MPP7: variants seen among roughly 807,000 people sequenced by gnomAD.
The protein encoded by MPP7 is MAGUK p55 scaffold protein 7.
A neutral mutation model predicts 76.5 loss-of-function variants in MPP7; 60 were observed. The ratio of observed to expected loss-of-function variants is 0.78; its 90% confidence interval spans 0.64 to 0.97. MPP7 has a LOEUF of 0.97. Ranked by LOEUF, MPP7 falls within the 50% of genes least tolerant of loss-of-function variation. MPP7 has a pLI of 0.00. For synonymous variants in MPP7, 237 were observed against 244.5 expected (o/e 0.97, Z 0.29); for missense variants, 641 against 694.0 (o/e 0.92, Z 0.86).
chr10:28,079,436 T>C (rs7894339), intron 12 of MPP7, among the ~76,000 whole-genome samples: 52,154 of 151,654 alleles, frequency 0.34, 12,326 homozygotes, highest in East Asian at 0.95. Context: ...GAAGATCACC[T>C]GAGACCAGGA....
At position 28,263,880 on chromosome 10, in the gene MPP7, T is replaced by G. The variant is rs891373505; in HGVS notation, c.-131-25145A>C. Reference sequence around the variant, plus strand: ...AGATGGAAGATAGCAATGGGAAGTCTGGCAGCTTGGGAGTCAGGTAGGGAA... The same window carrying G: ...AGATGGAAGATAGCAATGGGAAGTCGGGCAGCTTGGGAGTCAGGTAGGGAA... On this transcript the variant is annotated intron_variant, in intron 1 of 16. Coordinates refer to ENST00000683449, the MANE Select transcript of MPP7 (RefSeq NM_001318170.2). Among the ~76,000 whole-genome samples, 4 of 152,194 alleles carry G rather than the reference T, an allele frequency of 2.6e-5. No homozygotes were observed. In the East Asian group the frequency reaches 7.7e-4, roughly 29 times the overall value.
chr10:28,124,048 C>T lies in MPP7; in HGVS notation c.598G>A (p.Glu200Lys), dbSNP rs1289288442. ...GIPVEDKRPE[E>K]IIQILAQSQG... The stretch of plus-strand genomic sequence containing the variant: ...CAGCTTACCAAAATCTGTATTATTT[C>T]CTCAGGCCTTTTATCCTCCACTGGT... The change falls in exon 8 of 17, where the codon GAA becomes AAA. Residue 200 changes from glutamate (E) to lysine (K), a missense_variant. By Grantham distance (56) the Glu-to-Lys change is moderately conservative. Transcript: ENST00000683449. The T allele has an allele frequency of 6.2e-7, 1 of 1,608,630 alleles. No individual in the cohort carries two copies.
chr10:28,136,073 T>C (rs1287193430), intron 5 of MPP7, among the ~76,000 whole-genome samples: 2 of 151,930 alleles, frequency 1.3e-5, no homozygotes, highest in East Asian at 1.9e-4. Flanking sequence ...GAACTGAGTA[T>C]GCGAGGATCT....
At chr10:28,322,183 C>A (rs756001776) in intron 2 of MPP7, among the ~76,000 whole-genome samples, 5 of 151,786 alleles carry the variant, frequency 3.3e-5, no homozygotes, top group Admixed American at 6.6e-5. Flanking sequence ...AGGCAATTGA[C>A]CATGGTAAGG....
chr10:28,249,451 T>G (rs1839541620), intron 1 of MPP7, among the ~76,000 whole-genome samples: 1 of 152,106 alleles, frequency 6.6e-6, no homozygotes, highest in African/African-American at 2.4e-5. Flanking sequence ...TAGCCGGGCA[T>G]GGTGGCACAC....
chr10:28,077,407 G>A (rs572552797), intron 12 of MPP7, among the ~76,000 whole-genome samples: 17 of 152,204 alleles, frequency 1.1e-4, no homozygotes, highest in South Asian at 2.1e-4. Flanking sequence ...CATTCTTACT[G>A]CCAAATTGTC....
chr10:28,309,186 C>T (rs186152326), intron 2 of MPP7, among the ~76,000 whole-genome samples: 1 of 152,228 alleles, frequency 6.6e-6, no homozygotes, highest in Admixed American at 6.5e-5. Context: ...GAAGATACTA[C>T]TCACATCACC....
intron 3 of MPP7, 97 bp downstream of exon 3, chr10:28,202,056 C>G: frequency 1.2e-6 from 1 of 846,894 alleles, no homozygotes; most frequent in South Asian, 1.6e-5. Context: ...GTTTTGTTTT[C>G]AGAGAGCAAC....
rs867242630 is a variant in MPP7, at chr10:28,246,933, C to T, written c.-131-8198G>A. Among the ~76,000 whole-genome samples the T allele has an allele frequency of 5.3e-5, 8 of 152,240 alleles. No individual in the cohort carries two copies. In the South Asian group the frequency reaches 1.7e-3, roughly 32 times the overall value. On this transcript the variant is annotated intron_variant, in intron 1 of 16. Transcript: ENST00000683449. ...AATGACAAGTCCATCAGCTCAAGTC[C>T]CTGACATAGAGCACAGTACCCCACC...
intron 2 of MPP7, among the ~76,000 whole-genome samples, chr10:28,316,749 G>A (rs557097942): frequency 2.1e-4 from 32 of 152,322 alleles, no homozygotes; most frequent in South Asian, 6.2e-4. Flanking sequence ...GGAATCAGTG[G>A]AAGATTTGAA....
At chr10:28,073,697 G>C (rs1482561254) in intron 12 of MPP7, among the ~76,000 whole-genome samples, 1 of 152,122 alleles carries the variant, frequency 6.6e-6, no homozygotes, top group African/African-American at 2.4e-5. Flanking sequence ...TTGAATCTGA[G>C]AGGTGGAGGT....
intron 3 of MPP7, among the ~76,000 whole-genome samples, chr10:28,150,831 C>T (rs926671489): frequency 6.6e-6 from 1 of 152,046 alleles, no homozygotes; most frequent in African/African-American, 2.4e-5. Context: ...ACATAAATCC[C>T]ATGTAAGACA....
At chr10:28,088,066 C>T (rs899820535) in intron 12 of MPP7, among the ~76,000 whole-genome samples, 1 of 152,122 alleles carries the variant, frequency 6.6e-6, no homozygotes, top group Non-Finnish European at 1.5e-5. Flanking sequence ...TGTAATGATG[C>T]TAGTGTTCAC....
At chr10:28,167,966 G>C (rs1413996214) in intron 3 of MPP7, among the ~76,000 whole-genome samples, 1 of 152,202 alleles carries the variant, frequency 6.6e-6, no homozygotes, top group African/African-American at 2.4e-5. Context: ...GCCAGGCATG[G>C]CAGCTCACGC....
chr10:28,267,495 C>A (rs1840184548), intron 1 of MPP7, among the ~76,000 whole-genome samples: 2 of 152,110 alleles, frequency 1.3e-5, no homozygotes, highest in Admixed American at 6.6e-5. Flanking sequence ...ATACAAAAAT[C>A]TGAAATCCAA....
At chr10:28,287,994 C>T (rs1486375465) in intron 1 of MPP7, among the ~76,000 whole-genome samples, 4 of 152,168 alleles carry the variant, frequency 2.6e-5, no homozygotes, top group Admixed American at 1.3e-4. Context: ...TATTAAAACA[C>T]GCCTCCATTT....
At chr10:28,275,406 A>C (rs1840461145) in intron 1 of MPP7, among the ~76,000 whole-genome samples, 1 of 133,390 alleles carries the variant, frequency 7.5e-6, no homozygotes, top group African/African-American at 2.9e-5. Flanking sequence ...CCTTCCTAAT[A>C]TTTCTTTTTT....
intron 1 of MPP7, among the ~76,000 whole-genome samples, chr10:28,260,469 T>C (rs2132928411): frequency 6.6e-6 from 1 of 152,218 alleles, no homozygotes; most frequent in South Asian, 2.1e-4. Flanking sequence ...TTTAACTATG[T>C]TCTAACCAAA....
chr10:28,181,821 T>C (rs1214871028), intron 3 of MPP7, among the ~76,000 whole-genome samples: 1 of 152,172 alleles, frequency 6.6e-6, no homozygotes, highest in Non-Finnish European at 1.5e-5. Flanking sequence ...ATGAGAATAT[T>C]AGATCAGTTC....
Sources: allele counts gnomAD v4.1 joint callset (sites outside exome capture counted in the v4.1 genomes callset), GRCh38; gene constraint gnomAD v4.1.1; transcripts MANE v1.5; gene names NCBI Gene and HGNC (gene_info 2026-07-23, HGNC 2026-07-21).